Variants in VCAN observed in about 807,000 individuals in gnomAD.
VCAN encodes the protein versican core protein.
VCAN carries 44 observed loss-of-function variants against 245.5 expected under a neutral mutation model. That is an observed-to-expected ratio of 0.18 (90% confidence interval 0.14 to 0.23). The LOEUF is 0.23. Ranked by LOEUF, VCAN falls within the 10% of genes least tolerant of loss-of-function variation. The pLI is 1.00. For missense variants in VCAN, 3,793 were observed against 4,057.9 expected (o/e 0.93, Z 1.77); for synonymous variants, 1,413 against 1,437.0 (o/e 0.98, Z 0.38).
chr5:83,526,936 A>G lies in VCAN; in HGVS notation c.4003+4627A>G, dbSNP rs577327937. ...GATAATTTGTGAGACAACTAGGGAAAGCAGATAGTCAAACGAAGGTACACT... is the reference window on the plus strand; with the variant it reads ...GATAATTTGTGAGACAACTAGGGAAGGCAGATAGTCAAACGAAGGTACACT... On this transcript the variant is annotated intron_variant, in intron 7 of 14. Transcript: ENST00000265077. 2.6e-5 allele frequency among the ~76,000 whole-genome samples: 4 copies of G among 152,342 alleles called. No individual in the cohort carries two copies. In the East Asian group the frequency reaches 7.7e-4, roughly 29 times the overall value.
intron 5 of VCAN, among the ~76,000 whole-genome samples, 176 bp from the exon 6 acceptor site, chr5:83,511,927 A>G (rs947109392): frequency 4.6e-5 from 7 of 152,246 alleles, no homozygotes; most frequent in Non-Finnish European, 8.8e-5. Flanking sequence ...TTATGTATTC[A>G]TAATTATAAC....
At chr5:83,494,153 A>G (rs1300759616) in intron 5 of VCAN, among the ~76,000 whole-genome samples, 1 of 152,192 alleles carries the variant, frequency 6.6e-6, no homozygotes, top group African/African-American at 2.4e-5. Context: ...TCTTCAGTTA[A>G]TGGCAGGTTT....
intron 5 of VCAN, among the ~76,000 whole-genome samples, chr5:83,511,180 C>T (rs1745642292): frequency 6.6e-6 from 1 of 150,716 alleles, no homozygotes; most frequent in African/African-American, 2.4e-5. Flanking sequence ...CTCGCTGTGT[C>T]GCCCAGGCTG....
At chr5:83,575,015 TAA>T (rs749494160) in intron 13 of VCAN, among the ~76,000 whole-genome samples, 10 of 152,212 alleles carry the variant, frequency 6.6e-5, no homozygotes, top group South Asian at 2.1e-4. Flanking sequence ...CATGAATATT[TAA>T]TCCCTAGACC....
In VCAN at chr5:83,542,109, A is replaced by G. The variant is rs1433547170; in HGVS notation, c.9106A>G (p.Arg3036Gly). Residue 3036 changes from arginine (R) to glycine (G), a missense_variant, in exon 8 of 15, where the codon AGA (arginine) becomes GGA (glycine). Arg to Gly is a moderately radical substitution (Grantham distance 125, BLOSUM62 -2). Transcript: ENST00000265077. ...IAASEQQVAA[R>G]ILDSNDQATV... ...AGCATCAGAACAGCAAGTGGCAGCG[A>G]GAATTCTTGATTCCAATGATCAGGC... is the stretch of plus-strand genomic sequence containing the variant. The G allele has an allele frequency of 7.4e-6, 12 of 1,614,098 alleles. No homozygotes were observed. The highest frequency in any genetic ancestry group is 1.0e-5 in the Non-Finnish European group (12 of 1,179,968).
At chr5:83,577,179 G>A (rs1238040342) in intron 13 of VCAN, among the ~76,000 whole-genome samples, 2 of 152,054 alleles carry the variant, frequency 1.3e-5, no homozygotes, top group Non-Finnish European at 2.9e-5. Flanking sequence ...TCCGCCTGGG[G>A]GAGGTCTTAT....
chr5:83,544,561 G>A (rs1747131172), intron 8 of VCAN, among the ~76,000 whole-genome samples: 1 of 152,092 alleles, frequency 6.6e-6, no homozygotes, highest in South Asian at 2.1e-4. Flanking sequence ...GAAAGTATGG[G>A]TGTATTCCAT....
chr5:83,532,700 C>G (rs548219687), intron 7 of VCAN, among the ~76,000 whole-genome samples: 1 of 151,860 alleles, frequency 6.6e-6, no homozygotes, highest in Non-Finnish European at 1.5e-5. Context: ...GGTAACAGAT[C>G]AACAACCTGT....
At chr5:83,502,775 G>T (rs1358275451) in intron 5 of VCAN, among the ~76,000 whole-genome samples, 2 of 152,038 alleles carry the variant, frequency 1.3e-5, no homozygotes, top group Non-Finnish European at 2.9e-5. Flanking sequence ...TTAATTACAG[G>T]TTAACATTTT....
chr5:83,547,936 A>G (rs748452889), intron 9 of VCAN, 35 bp from the exon 10 acceptor site: 6 of 1,450,164 alleles, frequency 4.1e-6, no homozygotes, highest in Non-Finnish European at 5.8e-6. Flanking sequence ...ATACTTTTTG[A>G]AAGTATTTTG....
chr5:83,537,954 A>G lies in VCAN; in HGVS notation c.4951A>G (p.Thr1651Ala). The G allele has an allele frequency of 1.9e-6, 3 of 1,613,950 alleles. No individual in the cohort carries two copies. Among genetic ancestry groups the G allele is most frequent in the Non-Finnish European group, 2.5e-6 (3 of 1,179,950 alleles). Reference protein sequence around the residue: ...GSGEAEEDEDTMFTMVTDLSQ... With the variant: ...GSGEAEEDEDAMFTMVTDLSQ... ...TGGAGAAGCAGAAGAAGATGAAGATACAATGTTCACCATGGTAACTGATTT... is the reference window on the plus strand; with the variant it reads ...TGGAGAAGCAGAAGAAGATGAAGATGCAATGTTCACCATGGTAACTGATTT... The change falls in exon 8 of 15, where the codon ACA (threonine) becomes GCA (alanine). Residue 1651 changes from threonine to alanine, a missense_variant. Physicochemically the swap from Thr to Ala is moderately conservative, Grantham distance 58 (BLOSUM62 0). Around this residue, in one of 5 missense-constraint regions of VCAN, gnomAD observed 3,182 missense variants for 3,250.3 expected, o/e 0.98. Transcript: ENST00000265077.
Position 83,581,370 on chromosome 5 carries a change from TC to T in VCAN, c.*937del, listed in dbSNP as rs1239314301. On this transcript the variant is annotated 3_prime_UTR_variant, in exon 15 of 15. Coordinates refer to ENST00000265077, the MANE Select transcript of VCAN (RefSeq NM_004385.5). ...AATTTTGTATATATAACCATTTTAA[TC>T]TTTTATAAAGTTTTGAATGTTCATG... 1 of 148,882 alleles carries T rather than the reference TC, an allele frequency of 6.7e-6. No homozygotes were observed. The highest frequency in any genetic ancestry group is 1.5e-5 in the Non-Finnish European group (1 of 67,264). 9.2% of individuals were successfully genotyped at this position (148,882 alleles called of 1,614,324 possible).
rs1179980371 is a variant in VCAN at position 83,537,160 on chromosome 5, G to A, written c.4157G>A (p.Ser1386Asn). ...ATAATTGAAATAGACCTATACCACA[G>A]TGAAGAAAATGAAGAAGAAGAAGAA... is the stretch of plus-strand genomic sequence containing the variant. ...PDIIEIDLYH[S>N]EENEEEEEEC... The change falls in exon 8 of 15, where the codon AGT becomes AAT. Residue 1386 changes from serine to asparagine, a missense_variant. By Grantham distance (46) the Ser-to-Asn change is conservative. This residue lies in a region of VCAN where 3,182 missense variants were observed against 3,250.3 expected (regional missense o/e 0.98). Transcript: ENST00000265077. 1 of 1,613,640 alleles carries A rather than the reference G, an allele frequency of 6.2e-7. No individual in the cohort carries two copies. Among genetic ancestry groups the A allele is most frequent in the East Asian group, 2.2e-5 (1 of 44,852 alleles).
Position 83,471,997 on chromosome 5 carries a change from C to G in VCAN, c.-33C>G, listed in dbSNP as rs374598908. On this transcript the variant is annotated 5_prime_UTR_variant, in exon 1 of 15. Transcript: ENST00000265077. Reference sequence around the variant, plus strand: ...CGCAGCGCTGCAGTGAATTTTCCCCCCAAACTGCAATAAGCCGCCTTCCAA... The same window carrying G: ...CGCAGCGCTGCAGTGAATTTTCCCCGCAAACTGCAATAAGCCGCCTTCCAA... 2.6e-6 allele frequency: 1 copy of G among 382,482 alleles called. No homozygotes were observed. Among genetic ancestry groups the G allele is most frequent in the African/African-American group, 2.1e-5 (1 of 48,258 alleles). 23.7% of individuals were successfully genotyped at this position (382,482 alleles called of 1,614,324 possible).
chr5:83,519,540 C>T lies in VCAN; in HGVS notation c.1234C>T (p.Pro412Ser), dbSNP rs755170595. 1.9e-6 allele frequency: 3 copies of T among 1,614,024 alleles called. No homozygotes were observed. Among genetic ancestry groups the T allele is most frequent in the African/African-American group, 2.7e-5 (2 of 74,938 alleles). Reference sequence around the variant, plus strand: ...TTTTGAACAGAAAGCCACAGTCCAACCTCAGGCTATCACAGATAGTTTAGC... The same window carrying T: ...TTTTGAACAGAAAGCCACAGTCCAATCTCAGGCTATCACAGATAGTTTAGC... ...VSFEQKATVQ[P>S]QAITDSLATK... The change falls in exon 7 of 15, where the codon CCT becomes TCT. Residue 412 changes from proline (P) to serine (S), a missense_variant. Pro to Ser is a moderately conservative substitution (Grantham distance 74). Coordinates refer to ENST00000265077, the MANE Select transcript of VCAN (RefSeq NM_004385.5).
At chr5:83,511,116 G>T (rs1463205033) in intron 5 of VCAN, among the ~76,000 whole-genome samples, 2 of 151,124 alleles carry the variant, frequency 1.3e-5, no homozygotes, top group African/African-American at 2.4e-5. Flanking sequence ...TCTGGGGCCC[G>T]AGTGAGTGGG....
intron 1 of VCAN, among the ~76,000 whole-genome samples, chr5:83,477,381 T>G (rs779024118): frequency 3.9e-5 from 6 of 152,146 alleles, no homozygotes; most frequent in Non-Finnish European, 8.8e-5. Flanking sequence ...TCCAATGAAG[T>G]TGGACATTCA....
At chr5:83,473,272 G>A (rs141235155) in intron 1 of VCAN, among the ~76,000 whole-genome samples, 121 of 152,308 alleles carry the variant, frequency 7.9e-4, no homozygotes, top group Non-Finnish European at 1.6e-3. Flanking sequence ...GTTAGGCAGA[G>A]GAGAGCGGGG....
chr5:83,545,355 T>C (rs1250697961), intron 8 of VCAN, among the ~76,000 whole-genome samples, 182 bp from the exon 9 acceptor site: 7 of 152,182 alleles, frequency 4.6e-5, no homozygotes, highest in African/African-American at 1.7e-4. Context: ...TTTGTAACAA[T>C]TAGTTATAAT....
Sources: gnomAD v4.1 joint callset for allele counts (sites outside exome capture counted in the v4.1 genomes callset) on GRCh38, gnomAD v4.1.1 for gene constraint, gnomAD v4.1.1 regional missense constraint, MANE v1.5 for transcripts, NCBI Gene and HGNC (gene_info 2026-07-23, HGNC 2026-07-21) for gene names.